Variants in FSTL5 observed in about 807,000 individuals in gnomAD.
FSTL5 encodes the protein follistatin-related protein 5.
FSTL5 carries 62 observed loss-of-function variants against 89.1 expected under a neutral mutation model. The observed-to-expected ratio is 0.70, with a 90% CI of 0.57 to 0.86. The LOEUF (loss-of-function observed/expected upper bound fraction) is 0.86. Among genes scored for constraint, FSTL5 ranks in the 40% least tolerant of loss-of-function variants. FSTL5 has a pLI of 0.00. For missense variants in FSTL5, 1,057 were observed against 1,001.6 expected (o/e 1.06, Z -0.75); for synonymous variants, 383 against 346.2 (o/e 1.11, Z -1.18).
intron 15 of FSTL5, among the ~76,000 whole-genome samples, chr4:161,434,569 T>C (rs1009299104): frequency 2.0e-5 from 3 of 151,800 alleles, no homozygotes; most frequent in East Asian, 1.9e-4. Flanking sequence ...AATGAACAAA[T>C]GGGATCACAT....
At chr4:161,736,114 GA>G (rs1038392337) in intron 6 of FSTL5, among the ~76,000 whole-genome samples, 3 of 152,040 alleles carry the variant, frequency 2.0e-5, no homozygotes, top group African/African-American at 7.2e-5. Context: ...CTTTATTTAT[GA>G]AATTTAACAT....
chr4:161,623,128 C>T (rs1397692515), intron 7 of FSTL5, among the ~76,000 whole-genome samples: 2 of 152,044 alleles, frequency 1.3e-5, no homozygotes, highest in Non-Finnish European at 2.9e-5. Context: ...CATCTTTTAT[C>T]TGCCAACAGG....
intron 3 of FSTL5, among the ~76,000 whole-genome samples, chr4:161,937,073 A>G (rs1734453368): frequency 6.6e-6 from 1 of 152,146 alleles, no homozygotes; most frequent in Non-Finnish European, 1.5e-5. Context: ...CTCTAACATG[A>G]AAGATAAGAC....
chr4:161,469,673 T>TGGA (rs1431854310), intron 13 of FSTL5, among the ~76,000 whole-genome samples: 1 of 151,726 alleles, frequency 6.6e-6, no homozygotes, highest in African/African-American at 2.4e-5. Flanking sequence ...AGTCTCCCTC[T>TGGA]GTTGCCCAGG....
intron 3 of FSTL5, among the ~76,000 whole-genome samples, chr4:161,942,076 A>C (rs182146063): frequency 2.0e-5 from 3 of 152,120 alleles, no homozygotes; most frequent in Non-Finnish European, 4.4e-5. Context: ...ATATTAGGAA[A>C]TACTTAGAGA....
At chr4:161,504,763 C>A (rs537357817) in intron 11 of FSTL5, among the ~76,000 whole-genome samples, 1 of 152,110 alleles carries the variant, frequency 6.6e-6, no homozygotes, top group African/African-American at 2.4e-5. Flanking sequence ...GGATATAATG[C>A]ACTTTCCTAT....
At chr4:162,099,109 T>C (rs147008279) in intron 2 of FSTL5, among the ~76,000 whole-genome samples, 3 of 152,260 alleles carry the variant, frequency 2.0e-5, no homozygotes, top group African/African-American at 4.8e-5. Context: ...TCAGGATAAC[T>C]GGGATAGTCA....
At chr4:161,823,465 TACAACA>T (rs1334029138) in intron 4 of FSTL5, among the ~76,000 whole-genome samples, 2 of 152,166 alleles carry the variant, frequency 1.3e-5, no homozygotes, top group Non-Finnish European at 1.5e-5. Flanking sequence ...TCAACCAGGT[TACAACA>T]ACAGCCAGGC....
In FSTL5 at chr4:161,875,066, C is replaced by T. The variant is rs114989678; in HGVS notation, c.409+45338G>A. 8.6e-3 allele frequency among the ~76,000 whole-genome samples: 1,307 copies of T among 152,180 alleles called. 12 individuals carry two copies. Among genetic ancestry groups the T allele is most frequent in the Non-Finnish European group, 0.015 (1,028 of 68,000 alleles). On this transcript the variant is annotated intron_variant, in intron 4 of 15. Transcript: ENST00000306100. ...AATATATGAAAAGTATACTTTGATACTGTATATCTACAGATATTATTACTT... is the reference window on the plus strand; with the variant it reads ...AATATATGAAAAGTATACTTTGATATTGTATATCTACAGATATTATTACTT...
At chr4:161,667,410 C>G (rs766052591) in intron 6 of FSTL5, among the ~76,000 whole-genome samples, 18 of 152,010 alleles carry the variant, frequency 1.2e-4, no homozygotes, top group Non-Finnish European at 2.4e-4. Context: ...TTAATATTAA[C>G]TGTATGACTT....
chr4:161,600,158 A>AACACACACACACACACACAC (rs71598717), intron 7 of FSTL5, among the ~76,000 whole-genome samples: 60 of 142,064 alleles, frequency 4.2e-4, no homozygotes, highest in Admixed American at 2.9e-3. Context: ...AATGTCAATA[A>AACACACACACACACACACAC]ACACACACAC....
intron 5 of FSTL5, among the ~76,000 whole-genome samples, chr4:161,766,351 G>T (rs999273695): frequency 2.0e-5 from 3 of 152,102 alleles, no homozygotes; most frequent in Non-Finnish European, 4.4e-5. Flanking sequence ...ACCAAGTGAA[G>T]CCTGCTGTGC....
At chr4:161,562,143 C>T (rs563729489) in intron 8 of FSTL5, among the ~76,000 whole-genome samples, 9 of 152,068 alleles carry the variant, frequency 5.9e-5, no homozygotes, top group African/African-American at 1.7e-4. Flanking sequence ...CCCCACTGGA[C>T]GTTCATTTTC....
chr4:161,780,014 A>G (rs933934175), intron 4 of FSTL5, among the ~76,000 whole-genome samples: 16 of 148,716 alleles, frequency 1.1e-4, no homozygotes, highest in African/African-American at 3.7e-4. Flanking sequence ...ATGAAATGTA[A>G]AACATTTGAG....
At chr4:161,452,358 C>G (rs1578984715) in intron 15 of FSTL5, among the ~76,000 whole-genome samples, 1 of 151,998 alleles carries the variant, frequency 6.6e-6, no homozygotes, top group Non-Finnish European at 1.5e-5. Context: ...CTCCTGTAAT[C>G]CCAGCTGCTA....
chr4:161,859,184 T>A (rs1731822303), intron 4 of FSTL5, among the ~76,000 whole-genome samples: 1 of 152,184 alleles, frequency 6.6e-6, no homozygotes, highest in Admixed American at 6.5e-5. Flanking sequence ...TTACCTATAG[T>A]CACAAACTTC....
At chr4:161,900,971 A>G (rs1276378869) in intron 4 of FSTL5, among the ~76,000 whole-genome samples, 1 of 151,928 alleles carries the variant, frequency 6.6e-6, no homozygotes, top group Non-Finnish European at 1.5e-5. Context: ...ATGCTATTTA[A>G]CTCTAGTAAA....
chr4:161,404,325 T>G (rs945089533), intron 15 of FSTL5, among the ~76,000 whole-genome samples: 1 of 152,176 alleles, frequency 6.6e-6, no homozygotes, highest in Non-Finnish European at 1.5e-5. Flanking sequence ...GAGAGGATTA[T>G]TTCGAAAAAT....
chr4:161,462,420 A>G (rs1175793251), intron 13 of FSTL5, among the ~76,000 whole-genome samples: 2 of 152,228 alleles, frequency 1.3e-5, no homozygotes, highest in African/African-American at 4.8e-5. Context: ...CAAGCAATAA[A>G]ATCCTAATGG....
Sources: gnomAD v4.1 joint callset for allele counts (sites outside exome capture counted in the v4.1 genomes callset) on GRCh38, gnomAD v4.1.1 for gene constraint, MANE v1.5 for transcripts, NCBI Gene and HGNC (gene_info 2026-07-23, HGNC 2026-07-21) for gene names.